Variants in CAMK2D observed in about 807,000 individuals in gnomAD.
CAMK2D encodes the protein calcium/calmodulin-dependent protein kinase type II subunit delta.
Under a neutral mutation model 84.0 loss-of-function variants are expected in CAMK2D, and 37 were observed. The ratio of observed to expected loss-of-function variants is 0.44; its 90% confidence interval spans 0.34 to 0.58. The LOEUF is 0.58. CAMK2D is among the 20% of genes least tolerant of loss of function. The pLI is 0.02. For missense variants in CAMK2D, 448 were observed against 652.5 expected (o/e 0.69, Z 3.41); for synonymous variants, 202 against 212.5 (o/e 0.95, Z 0.43).
chr4:113,755,412 A>T (rs1409512165), intron 2 of CAMK2D, among the ~76,000 whole-genome samples: 2 of 151,920 alleles, frequency 1.3e-5, no homozygotes, highest in Non-Finnish European at 3.0e-5. Flanking sequence ...TTAGCAATGG[A>T]GTAGAGGTAA....
chr4:113,543,106 T>G (rs1207813673), intron 6 of CAMK2D, among the ~76,000 whole-genome samples: 5 of 152,234 alleles, frequency 3.3e-5, no homozygotes, highest in African/African-American at 1.2e-4. Flanking sequence ...CTTACTACCT[T>G]GTTTCAAACA....
chr4:113,575,757 C>T (rs538116137), intron 4 of CAMK2D, among the ~76,000 whole-genome samples: 2 of 151,968 alleles, frequency 1.3e-5, no homozygotes, highest in Admixed American at 1.3e-4. Flanking sequence ...AATGCTTGGA[C>T]ATTAGATTAT....
chr4:113,659,653 G>T (rs937774823), intron 3 of CAMK2D, among the ~76,000 whole-genome samples: 4 of 152,186 alleles, frequency 2.6e-5, no homozygotes, highest in Admixed American at 2.6e-4. Context: ...CTTCATCTTA[G>T]ATTTCTGGCT....
At chr4:113,642,781 C>T (rs2099137517) in intron 3 of CAMK2D, among the ~76,000 whole-genome samples, 1 of 151,554 alleles carries the variant, frequency 6.6e-6, no homozygotes, top group Non-Finnish European at 1.5e-5. Context: ...AGAAAGGCAC[C>T]AACTGCCCAC....
chr4:113,473,619 G>C (rs574768389), intron 16 of CAMK2D, among the ~76,000 whole-genome samples: 1 of 152,056 alleles, frequency 6.6e-6, no homozygotes, highest in Admixed American at 6.5e-5. Context: ...TTAATTACTA[G>C]AGGCTTTCAG....
At chr4:113,505,204 G>A (rs2098113993) in intron 13 of CAMK2D, among the ~76,000 whole-genome samples, 169 bp from the exon 14 acceptor site, 1 of 152,168 alleles carries the variant, frequency 6.6e-6, no homozygotes, top group Non-Finnish European at 1.5e-5. Flanking sequence ...GCTAGTCTCC[G>A]ATGGTCACAC....
intron 3 of CAMK2D, among the ~76,000 whole-genome samples, chr4:113,648,860 T>C (rs1368827185): frequency 6.6e-6 from 1 of 152,146 alleles, no homozygotes; most frequent in Admixed American, 6.5e-5. Flanking sequence ...GTAGTGGCAT[T>C]TGCGACTTCT....
intron 4 of CAMK2D, among the ~76,000 whole-genome samples, chr4:113,596,801 C>T (rs2154255830): frequency 6.6e-6 from 1 of 150,832 alleles, no homozygotes; most frequent in Admixed American, 6.7e-5. Flanking sequence ...GATTTAGCAT[C>T]TATCTTAAGG....
At chr4:113,593,644 C>T (rs771820224) in intron 4 of CAMK2D, among the ~76,000 whole-genome samples, 3 of 152,166 alleles carry the variant, frequency 2.0e-5, no homozygotes, top group Non-Finnish European at 4.4e-5. Flanking sequence ...TGAAATATGG[C>T]AGAGAATGCT....
At chr4:113,583,620 A>T (rs2098820772) in intron 4 of CAMK2D, among the ~76,000 whole-genome samples, 1 of 152,192 alleles carries the variant, frequency 6.6e-6, no homozygotes, top group Non-Finnish European at 1.5e-5. Context: ...CCAGCAGGAA[A>T]ATTTAGCTGA....
chr4:113,737,366 C>T (rs1003243327), intron 2 of CAMK2D, among the ~76,000 whole-genome samples: 1 of 151,990 alleles, frequency 6.6e-6, no homozygotes, highest in Non-Finnish European at 1.5e-5. Flanking sequence ...TGAAGATATG[C>T]AAAGTAAAAC....
At chr4:113,527,835 T>C (rs2098431232) in intron 8 of CAMK2D, among the ~76,000 whole-genome samples, 1 of 152,198 alleles carries the variant, frequency 6.6e-6, no homozygotes, top group Non-Finnish European at 1.5e-5. Flanking sequence ...ATATACAATG[T>C]GGCATAATTA....
intron 2 of CAMK2D, among the ~76,000 whole-genome samples, chr4:113,737,076 T>C (rs1012139491): frequency 6.6e-6 from 1 of 152,188 alleles, no homozygotes; most frequent in Non-Finnish European, 1.5e-5. Context: ...TCTAGCACTT[T>C]CCTGTGTACA....
intron 9 of CAMK2D, among the ~76,000 whole-genome samples, chr4:113,515,894 A>G (rs2098277844): frequency 6.6e-6 from 1 of 152,240 alleles, no homozygotes; most frequent in Non-Finnish European, 1.5e-5. Flanking sequence ...TTAAGACTAT[A>G]TAAGAAAGCT....
At chr4:113,585,085 G>C (rs1188388545) in intron 4 of CAMK2D, among the ~76,000 whole-genome samples, 2 of 152,124 alleles carry the variant, frequency 1.3e-5, no homozygotes, top group Non-Finnish European at 2.9e-5. Flanking sequence ...TTAGTAGCTG[G>C]TAGAGAAACA....
At chr4:113,548,943 T>C (rs928827115) in intron 5 of CAMK2D, among the ~76,000 whole-genome samples, 2 of 152,224 alleles carry the variant, frequency 1.3e-5, no homozygotes, top group East Asian at 3.8e-4. Flanking sequence ...CTTTGTGACA[T>C]GTTCAGACAA....
chr4:113,569,485 T>C (rs565464901), intron 4 of CAMK2D, among the ~76,000 whole-genome samples: 11 of 152,332 alleles, frequency 7.2e-5, no homozygotes, highest in African/African-American at 2.6e-4. Flanking sequence ...TGGTACAATG[T>C]AGGAAAATGG....
chr4:113,667,450 T>C (rs1047093218), intron 2 of CAMK2D, among the ~76,000 whole-genome samples: 2 of 152,246 alleles, frequency 1.3e-5, no homozygotes, highest in African/African-American at 4.8e-5. Context: ...CACTTTTTAG[T>C]GCATGGATTC....
At chr4:113,479,273 A>C (rs1464024689) in intron 16 of CAMK2D, among the ~76,000 whole-genome samples, 1 of 152,208 alleles carries the variant, frequency 6.6e-6, no homozygotes, top group African/African-American at 2.4e-5. Context: ...CTTTTGTGGA[A>C]AACAATCAGT....
Sources: gnomAD v4.1 joint callset for allele counts (sites outside exome capture counted in the v4.1 genomes callset) on GRCh38, gnomAD v4.1.1 for gene constraint, MANE v1.5 for transcripts, NCBI Gene and HGNC (gene_info 2026-07-23, HGNC 2026-07-21) for gene names.